FGFR2: variants seen among roughly 807,000 people sequenced by gnomAD.
FGFR2 encodes BEK fibroblast growth factor receptor.
In FGFR2, 19 loss-of-function variants were observed where a neutral mutation model predicts 95.9. That is an observed-to-expected ratio of 0.20 (90% CI 0.14 to 0.29). The LOEUF is 0.29. Among genes scored for constraint, FGFR2 ranks in the 10% least tolerant of loss-of-function variants. FGFR2 has a pLI of 1.00. For missense variants in FGFR2, 707 were observed against 1,056.9 expected, an observed-to-expected ratio of 0.67 and a Z score of 4.59; for synonymous variants, 392 against 393.3, an observed-to-expected ratio of 1.00 and a Z score of 0.04.
At chr10:121,490,194 A>G (rs1285681656) in intron 13 of FGFR2, among the ~76,000 whole-genome samples, 2 of 95,398 alleles carry the variant, frequency 2.1e-5, no homozygotes, top group Non-Finnish European at 3.8e-5. Context: ...ACGGAGTTTC[A>G]CTCTTGTTTC....
At position 121,517,320 on chromosome 10, in the gene FGFR2, T is replaced by C; in HGVS notation, c.1083A>G (p.Pro361=). ...CCAGAGAGAAAGAACAGTATATACC[T>C]GGCAGAACTGTCAACCATGCAGAGT... ...SFHSAWLTVL[P]APGREKEITA... The change falls in exon 8 of 18, where the codon CCA becomes CCG. Residue 361 remains proline (P), a splice_region_variant and synonymous_variant. Coordinates refer to ENST00000358487, the MANE Select transcript of FGFR2 (RefSeq NM_000141.5). This position sits in a 1 kb window ranked among gnomAD's most constrained non-coding sequence, Gnocchi z 4.7. 1 of 1,614,160 alleles carries C rather than the reference T, an allele frequency of 6.2e-7. No individual in the cohort carries two copies. The highest frequency in any genetic ancestry group is 8.5e-7 in the Non-Finnish European group (1 of 1,179,996).
rs1329570278 is a variant in FGFR2, at chr10:121,485,759, C to A, written c.2058-227G>T. 1.3e-5 allele frequency among the ~76,000 whole-genome samples: 2 copies of A among 152,190 alleles called. No homozygotes were observed. Among genetic ancestry groups the A allele is most frequent in the Non-Finnish European group, 2.9e-5 (2 of 68,034 alleles). On this transcript the variant is annotated intron_variant, in intron 15 of 17. Coordinates refer to ENST00000358487, the MANE Select transcript of FGFR2 (RefSeq NM_000141.5). This position sits in a 1 kb window ranked among gnomAD's most constrained non-coding sequence, Gnocchi z 4.2. Reference sequence around the variant, plus strand: ...TTCCATCAATAGACAAAAAGGCAAACTGCCATCACTCTGGAATAGAGCTGC... The same window carrying A: ...TTCCATCAATAGACAAAAAGGCAAAATGCCATCACTCTGGAATAGAGCTGC...
intron 13 of FGFR2, among the ~76,000 whole-genome samples, chr10:121,488,493 A>G (rs1309702297): frequency 1.3e-5 from 2 of 149,018 alleles, no homozygotes; most frequent in Non-Finnish European, 3.0e-5. Flanking sequence ...GTGAGCTGAG[A>G]TCACGCCATT....
At chr10:121,582,456 C>T (rs1458696378) in intron 2 of FGFR2, among the ~76,000 whole-genome samples, 2 of 152,104 alleles carry the variant, frequency 1.3e-5, no homozygotes, top group African/African-American at 4.8e-5. Context: ...TGTCATCGCA[C>T]GGGGAGCTGC....
At chr10:121,592,253 G>C (rs750831364) in intron 2 of FGFR2, among the ~76,000 whole-genome samples, 1 of 152,050 alleles carries the variant, frequency 6.6e-6, no homozygotes, top group Non-Finnish European at 1.5e-5. Flanking sequence ...CAGAAACCAG[G>C]AACTTTTTCC....
chr10:121,507,452 G>A (rs559480235), intron 9 of FGFR2, among the ~76,000 whole-genome samples: 17 of 152,324 alleles, frequency 1.1e-4, no homozygotes, highest in African/African-American at 4.1e-4. Flanking sequence ...GCCGGGCATG[G>A]TGGTGAGTGC....
intron 5 of FGFR2, among the ~76,000 whole-genome samples, chr10:121,546,651 T>G (rs1191791922): frequency 4.6e-5 from 7 of 152,322 alleles, no homozygotes; most frequent in South Asian, 4.1e-4. Flanking sequence ...TTTGCTTTTT[T>G]TGTCTTCCCT....
At chr10:121,494,185 G>A (rs1284404243) in intron 13 of FGFR2, among the ~76,000 whole-genome samples, 4 of 151,942 alleles carry the variant, frequency 2.6e-5, no homozygotes, top group Admixed American at 6.6e-5. Flanking sequence ...AAAGTGCAGC[G>A]TCCTGGCATG....
At chr10:121,540,455 A>C (rs1182939703) in intron 5 of FGFR2, among the ~76,000 whole-genome samples, 5 of 152,108 alleles carry the variant, frequency 3.3e-5, no homozygotes, top group Non-Finnish European at 1.5e-5. Flanking sequence ...GGAGGAGGAG[A>C]TATGGATGCT....
Position 121,518,637 on chromosome 10 carries a change from T to C in FGFR2, c.940-1174A>G. ...GCACCAAGTCTTTTCAGCTTCTATA[T>C]CCAGCTTTCTTTTTAAAAAAAGACA... On this transcript the variant is annotated intron_variant, in intron 7 of 17. Coordinates refer to ENST00000358487, the MANE Select transcript of FGFR2 (RefSeq NM_000141.5). This position sits in a 1 kb window ranked among gnomAD's most constrained non-coding sequence, Gnocchi z 4.0. 6.2e-7 allele frequency: 1 copy of C among 1,613,052 alleles called. No homozygotes were observed. The highest frequency in any genetic ancestry group is 1.3e-5 in the African/African-American group (1 of 75,038).
intron 2 of FGFR2, among the ~76,000 whole-genome samples, chr10:121,590,927 G>A (rs1191012184): frequency 6.6e-6 from 1 of 152,176 alleles, no homozygotes; most frequent in Non-Finnish European, 1.5e-5. Context: ...AGCTATAGTA[G>A]TTCTAATCAT....
At chr10:121,570,982 C>T (rs930002091) in intron 2 of FGFR2, among the ~76,000 whole-genome samples, 3 of 151,320 alleles carry the variant, frequency 2.0e-5, no homozygotes, top group Non-Finnish European at 2.9e-5. Flanking sequence ...TGTTAGCAAG[C>T]AGCCTTTTTT....
chr10:121,491,385 G>A (rs113130025), intron 13 of FGFR2, among the ~76,000 whole-genome samples: 9 of 152,244 alleles, frequency 5.9e-5, no homozygotes, highest in African/African-American at 1.9e-4. Context: ...TATACAATTA[G>A]GGCCCTGGGA....
chr10:121,512,047 G>A (rs1354388016), intron 9 of FGFR2, among the ~76,000 whole-genome samples: 1 of 152,166 alleles, frequency 6.6e-6, no homozygotes, highest in Non-Finnish European at 1.5e-5. Context: ...GTTGGAGAGG[G>A]AAAGAGTCAG....
intron 5 of FGFR2, among the ~76,000 whole-genome samples, chr10:121,540,359 A>C (rs3135751): frequency 1.3e-5 from 2 of 152,212 alleles, no homozygotes; most frequent in African/African-American, 4.8e-5. Flanking sequence ...GTTGAGCCGT[A>C]GACTTGTAAC....
At chr10:121,548,917 C>T (rs1854967617) in intron 5 of FGFR2, among the ~76,000 whole-genome samples, 1 of 151,976 alleles carries the variant, frequency 6.6e-6, no homozygotes, top group South Asian at 2.1e-4. Flanking sequence ...TTTAAAAGGG[C>T]CAACCTTTGA....
chr10:121,519,860 T>G (rs775625543), intron 7 of FGFR2, 119 bp downstream of exon 7: 4 of 915,500 alleles, frequency 4.4e-6, no homozygotes, highest in Non-Finnish European at 5.3e-6. Flanking sequence ...CACTCTCTGC[T>G]GGCTAGTCAA....
chr10:121,565,854 A>C, intron 2 of FGFR2, 150 bp from the exon 3 acceptor site: 1 of 862,190 alleles, frequency 1.2e-6, no homozygotes, highest in African/African-American at 1.7e-5. Context: ...CCTCTCCCCA[A>C]GCCCCAGGAA....
intron 9 of FGFR2, among the ~76,000 whole-genome samples, chr10:121,508,153 C>T (rs1207122876): frequency 5.9e-5 from 9 of 152,158 alleles, no homozygotes; most frequent in Non-Finnish European, 5.9e-5. Flanking sequence ...AACCAATCCC[C>T]AACGCATACC....
Sources: allele counts gnomAD v4.1 joint callset (sites outside exome capture counted in the v4.1 genomes callset), GRCh38; gene constraint gnomAD v4.1.1; non-coding constraint Gnocchi (gnomAD v3.1); transcripts MANE v1.5; gene names NCBI Gene and HGNC (gene_info 2026-07-23, HGNC 2026-07-21).